Variants in SEC23A observed in about 807,000 individuals in gnomAD.
SEC23A encodes SEC23 homolog A, COPII component, also known as protein transport protein Sec23A.
Under a neutral mutation model 103.7 loss-of-function variants are expected in SEC23A, and 56 were observed. The ratio of observed to expected loss-of-function variants is 0.54; its 90% CI spans 0.44 to 0.67. The LOEUF (loss-of-function observed/expected upper bound fraction) is 0.67. Among genes scored for constraint, SEC23A ranks in the 30% least tolerant of loss-of-function variants. The pLI is 0.00. For synonymous variants in SEC23A, 281 were observed against 293.0 expected (o/e 0.96, Z 0.42); for missense variants, 784 against 936.4 (o/e 0.84, Z 2.12).
intron 16 of SEC23A, among the ~76,000 whole-genome samples, chr14:39,043,157 T>C (rs1030476881): frequency 6.6e-6 from 1 of 152,020 alleles, no homozygotes; most frequent in Non-Finnish European, 1.5e-5. Context: ...TTTCATTTTT[T>C]TGTTTGTAGA....
intron 13 of SEC23A, among the ~76,000 whole-genome samples, chr14:39,059,751 A>T (rs1043405185): frequency 2.6e-5 from 4 of 152,138 alleles, no homozygotes; most frequent in Non-Finnish European, 5.9e-5. Flanking sequence ...AGAACAAAAA[A>T]TTTTCTTATA....
At chr14:39,045,742 C>T (rs184931428) in intron 15 of SEC23A, among the ~76,000 whole-genome samples, 2 of 152,302 alleles carry the variant, frequency 1.3e-5, no homozygotes, top group Admixed American at 1.3e-4. Context: ...GAGGCTGACG[C>T]CAGGTAGTAA....
intron 19 of SEC23A, among the ~76,000 whole-genome samples, chr14:39,036,916 T>C (rs1164574030): frequency 6.6e-6 from 1 of 152,202 alleles, no homozygotes; most frequent in South Asian, 2.1e-4. Context: ...ATGCCACGAA[T>C]AACCTCCTAG....
chr14:39,048,530 T>C (rs1250307808), intron 15 of SEC23A, 122 bp downstream of exon 15: 1 of 676,850 alleles, frequency 1.5e-6, no homozygotes, highest in Non-Finnish European at 2.6e-6. Context: ...AGCCCCGGAG[T>C]TCCAGGTTAC....
chr14:39,036,063 G>A (rs887753999), intron 19 of SEC23A, among the ~76,000 whole-genome samples: 4 of 152,040 alleles, frequency 2.6e-5, no homozygotes, highest in African/African-American at 9.7e-5. Flanking sequence ...GCTCACACCT[G>A]TAATCCCAGC....
chr14:39,064,997 C>A lies in SEC23A; in HGVS notation c.1228-4G>T. On this transcript the variant is annotated splice_polypyrimidine_tract_variant and splice_region_variant and intron_variant, in intron 10 of 19. Coordinates refer to ENST00000307712, the MANE Select transcript of SEC23A (RefSeq NM_006364.4). ...AAATCTTTATTTCCCTTGAGGTCTGCAAAATAAGAATACAGCATGTTCGGT... is the reference window on the plus strand; with the variant it reads ...AAATCTTTATTTCCCTTGAGGTCTGAAAAATAAGAATACAGCATGTTCGGT... 5.0e-6 allele frequency: 8 copies of A among 1,599,900 alleles called. No homozygotes were observed. Among genetic ancestry groups the A allele is most frequent in the Non-Finnish European group, 6.9e-6 (8 of 1,167,246 alleles).
At chr14:39,060,474 C>T (rs1454620483) in intron 13 of SEC23A, among the ~76,000 whole-genome samples, 2 of 152,108 alleles carry the variant, frequency 1.3e-5, no homozygotes, top group African/African-American at 4.8e-5. Flanking sequence ...CCTTCCTTGT[C>T]CATTGTCGAG....
rs1384863155 is a variant in SEC23A, at chr14:39,096,016, C to T, written c.103G>A (p.Val35Ile). The change falls in exon 2 of 20, where the codon GTT becomes ATT. Residue 35 changes from valine (V) to isoleucine (I), a missense_variant. Around this residue, in one of 2 missense-constraint regions of SEC23A, gnomAD observed 683 missense variants for 774.2 expected, o/e 0.88. Transcript: ENST00000307712. ...PSSRLEATRMVVPVAALFTPL... is the reference protein window; with the variant it reads ...PSSRLEATRMIVPVAALFTPL... ...GTAAACAGGGCTGCCACAGGAACAA[C>T]CATTCTTGTAGCTTCCAGTCGACTT... The T allele has an allele frequency of 1.9e-6, 3 of 1,613,918 alleles. No individual in the cohort carries two copies. The highest frequency in any genetic ancestry group is 1.7e-6 in the Non-Finnish European group (2 of 1,179,804).
At chr14:39,033,430 A>C in intron 19 of SEC23A, 102 bp from the exon 20 acceptor site, 1 of 78,022 alleles carries the variant, frequency 1.3e-5, no homozygotes, top group Non-Finnish European at 2.3e-5. Context: ...TGAAATGCCT[A>C]TGGTCCTATT....
chr14:39,044,467 C>T (rs1172391101), intron 16 of SEC23A, among the ~76,000 whole-genome samples: 8 of 151,946 alleles, frequency 5.3e-5, no homozygotes, highest in South Asian at 2.1e-4. Context: ...TTTACAAAAC[C>T]GTGAATAATA....
Position 39,045,298 on chromosome 14 carries a change from A to G in SEC23A, c.1764T>C (p.Ser588=). ...PQFMFHLRRS[S]FLQVFNNSPD... The stretch of plus-strand genomic sequence containing the variant: ...GACTATTGTTAAAAACTTGCAGGAA[A>G]GAAGATCTTCTTAAATGAAACATAA... The change falls in exon 16 of 20, where the codon TCT becomes TCC. Residue 588 remains serine, a synonymous_variant. Coordinates refer to ENST00000307712, the MANE Select transcript of SEC23A (RefSeq NM_006364.4). 6.2e-7 allele frequency: 1 copy of G among 1,610,224 alleles called. No homozygotes were observed. Among genetic ancestry groups the G allele is most frequent in the South Asian group, 1.1e-5 (1 of 90,980 alleles).
chr14:39,068,473 CAA>C (rs1886745994), intron 9 of SEC23A, among the ~76,000 whole-genome samples: 1 of 152,106 alleles, frequency 6.6e-6, no homozygotes, highest in Non-Finnish European at 1.5e-5. Flanking sequence ...TTTGTAACAA[CAA>C]AAGTTTTTTT....
At chr14:39,094,809 G>A (rs543371712) in intron 2 of SEC23A, 60 of 557,726 alleles carry the variant, frequency 1.1e-4, no homozygotes, top group South Asian at 9.4e-4. Flanking sequence ...AGGGTAACAG[G>A]GTTAAGGTAT....
At position 39,073,410 on chromosome 14, in the gene SEC23A, A is replaced by G. The variant is rs1194709068; in HGVS notation, c.1103+1005T>C. Among the ~76,000 whole-genome samples the G allele has an allele frequency of 2.0e-5, 3 of 151,854 alleles. No homozygotes were observed. The East Asian group carries it at 5.8e-4, about 29-fold the overall frequency. ...CAGGTTCAAGTGATTCTCCTGCCTCAGCCTCCTGAGTAGCTGGGATTACAG... is the reference window on the plus strand; with the variant it reads ...CAGGTTCAAGTGATTCTCCTGCCTCGGCCTCCTGAGTAGCTGGGATTACAG... On this transcript the variant is annotated intron_variant, in intron 9 of 19. Coordinates refer to ENST00000307712, the MANE Select transcript of SEC23A (RefSeq NM_006364.4).
chr14:39,097,148 C>G (rs1887916158), intron 1 of SEC23A, among the ~76,000 whole-genome samples: 1 of 152,158 alleles, frequency 6.6e-6, no homozygotes, highest in South Asian at 2.1e-4. Flanking sequence ...AGTTTACTAA[C>G]CAAGGGAAGA....
intron 11 of SEC23A, 66 bp from the exon 12 acceptor site, chr14:39,063,479 G>T: frequency 9.9e-7 from 1 of 1,013,592 alleles, no homozygotes; most frequent in African/African-American, 1.6e-5. Context: ...ATATTAAAGT[G>T]AAAATGGAAA....
intron 7 of SEC23A, among the ~76,000 whole-genome samples, chr14:39,077,525 C>T (rs560182034): frequency 9.5e-5 from 14 of 147,408 alleles, no homozygotes; most frequent in Admixed American, 5.5e-4. Flanking sequence ...CTGGGCAACA[C>T]GGTAAGACTC....
intron 7 of SEC23A, among the ~76,000 whole-genome samples, chr14:39,076,850 G>A (rs1012747398): frequency 3.3e-5 from 5 of 151,282 alleles, no homozygotes; most frequent in African/African-American, 7.3e-5. Flanking sequence ...TCGCTTGAAC[G>A]CGGGAGGTGG....
intron 7 of SEC23A, among the ~76,000 whole-genome samples, chr14:39,081,505 G>C (rs937976882): frequency 6.6e-6 from 1 of 152,146 alleles, no homozygotes; most frequent in African/African-American, 2.4e-5. Context: ...ATTATATTTT[G>C]TACTATATAT....
Sources: allele counts gnomAD v4.1 joint callset (sites outside exome capture counted in the v4.1 genomes callset), GRCh38; gene constraint gnomAD v4.1.1; regional missense constraint gnomAD v4.1.1; transcripts MANE v1.5; gene names NCBI Gene and HGNC (gene_info 2026-07-23, HGNC 2026-07-21).